The following SOWAHA variants were observed in gnomAD, a reference collection of about 807,000 sequenced individuals.
The protein encoded by SOWAHA is ankyrin repeat domain-containing protein SOWAHA.
SOWAHA carries 17 observed loss-of-function variants against 21.1 expected under a neutral mutation model. That is an observed-to-expected ratio of 0.80 (90% confidence interval 0.55 to 1.21). The LOEUF is 1.21. Among genes scored for constraint, SOWAHA ranks in the 50% most tolerant of loss-of-function variants. The pLI is 0.00. For synonymous variants in SOWAHA, 422 were observed against 397.1 expected, an observed-to-expected ratio of 1.06 and a Z score of -0.75; for missense variants, 862 against 816.0, an observed-to-expected ratio of 1.06 and a Z score of -0.69.
Position 132,813,575 on chromosome 5 carries a change from G to A in SOWAHA, c.-47G>A, listed in dbSNP as rs1195928039. On this transcript the variant is annotated 5_prime_UTR_variant, in exon 1 of 1. Coordinates refer to ENST00000378693, the MANE Select transcript of SOWAHA (RefSeq NM_175873.6). The stretch of plus-strand genomic sequence containing the variant: ...ACCCCGCTCCCGCGCGTCCCGCGGC[G>A]ACGCGGCGCCCACCCGCCCCGGGAG... 8.6e-7 allele frequency: 1 copy of A among 1,159,846 alleles called. No individual in the cohort carries two copies. The highest frequency in any genetic ancestry group is 1.1e-6 in the Non-Finnish European group (1 of 937,874). The allele number at this position is 1,159,846 out of a possible 1,614,324, so 71.8% of individuals were successfully genotyped here. A position where few individuals can be genotyped will look rare whatever the true frequency, so the allele number is the denominator to read the frequency against.
At position 132,814,019 on chromosome 5, in the gene SOWAHA, G is replaced by T. The variant is rs1369435084; in HGVS notation, c.398G>T (p.Gly133Val). 2 of 1,545,554 alleles carry T rather than the reference G, an allele frequency of 1.3e-6. No individual in the cohort carries two copies. Among genetic ancestry groups the T allele is most frequent in the Middle Eastern group, 1.8e-4 (1 of 5,526 alleles). The change falls in exon 1 of 1, where the codon GGG becomes GTG. Residue 133 changes from glycine to valine, a missense_variant. Gly to Val is a moderately radical substitution (Grantham distance 109). Coordinates refer to ENST00000378693, the MANE Select transcript of SOWAHA (RefSeq NM_175873.6). ...GTGCCGCGGCCAGTGGAGCCGCCAG[G>T]GGACCTGGGTCTGCCAACAGAGCCA... The part of the protein sequence containing the change: ...VRVPRPVEPP[G>V]DLGLPTEPQD...
At position 132,814,008 on chromosome 5, in the gene SOWAHA, G is replaced by A; in HGVS notation, c.387G>A (p.Val129=). ...APPLVRVPRP[V]EPPGDLGLPT... is the part of the protein sequence containing the mutation. The stretch of plus-strand genomic sequence containing the variant: ...CCTTGGTCCGGGTGCCGCGGCCAGT[G>A]GAGCCGCCAGGGGACCTGGGTCTGC... The change falls in exon 1 of 1, where the codon GTG becomes GTA. Residue 129 remains valine, a synonymous_variant. Transcript: ENST00000378693. 3.2e-6 allele frequency: 5 copies of A among 1,543,486 alleles called. No homozygotes were observed. The highest frequency in any genetic ancestry group is 4.4e-6 in the Non-Finnish European group (5 of 1,147,490).
chr5:132,815,096 TGGCC>T lies in SOWAHA; in HGVS notation c.1476_1479del (p.Ala493GlufsTer3), dbSNP rs776342744. On this transcript the variant is annotated frameshift_variant, in exon 1 of 1. Coordinates refer to ENST00000378693, the MANE Select transcript of SOWAHA (RefSeq NM_175873.6). LOFTEE classifies it high-confidence loss of function. ...GCTGACGACCTCATGCTCCAGGACC[TGGCC>T]CGAGGCTTGAAGAAGTCGAGCTCCT... 1.9e-6 allele frequency: 3 copies of T among 1,613,792 alleles called. No individual in the cohort carries two copies. The African/African-American group carries it at 4.0e-5, about 22-fold the overall frequency.
chr5:132,815,339 A>G lies in SOWAHA; in HGVS notation c.*68A>G. ...TCGTCGCAGTCCAAACCCGCCCAAG[A>G]CTGCAGCCCAATCAACGCCTGGAGC... On this transcript the variant is annotated 3_prime_UTR_variant, in exon 1 of 1. Transcript: ENST00000378693. The G allele has an allele frequency of 7.3e-7, 1 of 1,375,388 alleles. No homozygotes were observed. Among genetic ancestry groups the G allele is most frequent in the Admixed American group, 2.3e-5 (1 of 43,044 alleles). 85.2% of individuals were successfully genotyped at this position (1,375,388 alleles called of 1,614,324 possible).
At position 132,815,771 on chromosome 5, in the gene SOWAHA, T is replaced by C. The variant is rs985077647; in HGVS notation, c.*500T>C. ...TTCGTAATAACCTTTTGGAATTATA[T>C]TTTTCCACTTTTAGGCAAAGTGCTT... On this transcript the variant is annotated 3_prime_UTR_variant, in exon 1 of 1. Transcript: ENST00000378693. 6.0e-6 allele frequency: 1 copy of C among 167,126 alleles called. No homozygotes were observed. The highest frequency in any genetic ancestry group is 2.4e-5 in the African/African-American group (1 of 41,482). 10.4% of individuals were successfully genotyped at this position (167,126 alleles called of 1,614,324 possible).
At position 132,815,283 on chromosome 5, in the gene SOWAHA, G is replaced by C. The variant is rs745815095; in HGVS notation, c.*12G>C. On this transcript the variant is annotated 3_prime_UTR_variant, in exon 1 of 1. Coordinates refer to ENST00000378693, the MANE Select transcript of SOWAHA (RefSeq NM_175873.6). ...CTCCAACAACCTGAAGGTCCCTGGG[G>C]CTACCACCTGGTTGATCTATCGTGG... The C allele has an allele frequency of 1.7e-5, 27 of 1,598,196 alleles. No individual in the cohort carries two copies. The African/African-American group carries it at 3.4e-4, about 20-fold the overall frequency.
rs781404602 is a variant in SOWAHA, at chr5:132,813,906, C to T, written c.285C>T (p.Pro95=). The change falls in exon 1 of 1, where the codon CCC becomes CCT. Residue 95 remains proline, a synonymous_variant. Transcript: ENST00000378693. ...PPEPEPAPFG[P]PGAAAQPSKP... ...AGCCCGAGCCCGCACCCTTCGGCCC[C>T]CCGGGGGCAGCGGCCCAGCCGTCGA... The T allele has an allele frequency of 1.9e-6, 3 of 1,547,168 alleles. No homozygotes were observed. The South Asian group carries it at 3.6e-5, about 18-fold the overall frequency.
Position 132,813,631 on chromosome 5 carries a change from G to A in SOWAHA, c.10G>A (p.Ala4Thr). Residue 4 changes from alanine to threonine, a missense_variant, in exon 1 of 1, where the codon GCC becomes ACC. Physicochemically the swap from Ala to Thr is moderately conservative, Grantham distance 58. Coordinates refer to ENST00000378693, the MANE Select transcript of SOWAHA (RefSeq NM_175873.6). MALAAAAAAAAAGV... is the reference protein window; with the variant it reads MALTAAAAAAAAGV... Reference sequence around the variant, plus strand: ...AACCCAGGGCCCCACCATGGCGCTGGCCGCCGCCGCCGCCGCTGCGGCTGC... The same window carrying A: ...AACCCAGGGCCCCACCATGGCGCTGACCGCCGCCGCCGCCGCTGCGGCTGC... 8.1e-7 allele frequency: 1 copy of A among 1,236,820 alleles called. No homozygotes were observed. Among genetic ancestry groups the A allele is most frequent in the South Asian group, 2.2e-5 (1 of 46,162 alleles). The allele number at this position is 1,236,820 out of a possible 1,614,324, so 76.6% of individuals were successfully genotyped here.
At position 132,813,791 on chromosome 5, in the gene SOWAHA, G is replaced by T. The variant is rs773891772; in HGVS notation, c.170G>T (p.Arg57Leu). The T allele has an allele frequency of 1.9e-6, 3 of 1,549,058 alleles. No homozygotes were observed. The highest frequency in any genetic ancestry group is 2.0e-5 in the Admixed American group (1 of 50,954). The change falls in exon 1 of 1, where the codon CGC becomes CTC. Residue 57 changes from arginine to leucine, a missense_variant. By Grantham distance (102) the Arg-to-Leu change is moderately radical (BLOSUM62 -2). Coordinates refer to ENST00000378693, the MANE Select transcript of SOWAHA (RefSeq NM_175873.6). Reference protein sequence around the residue: ...DPRGRAARRDRFKQFVNNVAV... With the variant: ...DPRGRAARRDLFKQFVNNVAV... ...CGGGGCCGCGCCGCCCGCAGGGACC[G>T]CTTCAAGCAGTTCGTCAACAACGTG...
rs1228053970 is a variant in SOWAHA, at chr5:132,815,842, T to TA, written c.*577dup. 1 of 166,750 alleles carries TA rather than the reference T, an allele frequency of 6.0e-6. No individual in the cohort carries two copies. Among genetic ancestry groups the TA allele is most frequent in the African/African-American group, 2.4e-5 (1 of 41,446 alleles). The allele number at this position is 166,750 out of a possible 1,614,324, so 10.3% of individuals were successfully genotyped here. A position where few individuals can be genotyped will look rare whatever the true frequency, so the allele number is the denominator to read the frequency against. On this transcript the variant is annotated 3_prime_UTR_variant, in exon 1 of 1. Transcript: ENST00000378693. The stretch of plus-strand genomic sequence containing the variant: ...TTGCTAAATACTTTGGAATTCTATT[T>TA]AAAAAATAGATGATCAAGATCTAAA...
In SOWAHA at chr5:132,814,687, AGCG is replaced by A. The variant is rs1172896535; in HGVS notation, c.1070_1072del (p.Gly357del). On this transcript the variant is annotated inframe_deletion, in exon 1 of 1. Coordinates refer to ENST00000378693, the MANE Select transcript of SOWAHA (RefSeq NM_175873.6). Reference sequence around the variant, plus strand: ...CACGGCCCTGCATTGGGCCGCCAAGAGCGGCGACGGCGAGATGGCGCTGCAGCT... The same window carrying A: ...CACGGCCCTGCATTGGGCCGCCAAGAGCGACGGCGAGATGGCGCTGCAGCT... 3.3e-6 allele frequency: 5 copies of A among 1,514,656 alleles called. No homozygotes were observed. In the Admixed American group the frequency reaches 8.2e-5, roughly 25 times the overall value. The allele number at this position is 1,514,656 out of a possible 1,614,324, so 93.8% of individuals were successfully genotyped here.
chr5:132,814,488 G>C lies in SOWAHA; in HGVS notation c.867G>C (p.Leu289=). ...RRLSRAGPRL[L]SPDAEELPAA... The stretch of plus-strand genomic sequence containing the variant: ...TGTCGCGCGCCGGCCCGCGTCTGCT[G>C]AGCCCTGACGCCGAGGAGTTGCCCG... Residue 289 remains leucine, a synonymous_variant, in exon 1 of 1, where the codon CTG becomes CTC. Coordinates refer to ENST00000378693, the MANE Select transcript of SOWAHA (RefSeq NM_175873.6). 7.0e-7 allele frequency: 1 copy of C among 1,424,186 alleles called. No homozygotes were observed. The highest frequency in any genetic ancestry group is 9.1e-7 in the Non-Finnish European group (1 of 1,097,478). The allele number at this position is 1,424,186 out of a possible 1,614,324, so 88.2% of individuals were successfully genotyped here. A position where few individuals can be genotyped will look rare whatever the true frequency, so the allele number is the denominator to read the frequency against.
chr5:132,814,637 C>T lies in SOWAHA; in HGVS notation c.1016C>T (p.Ala339Val), dbSNP rs996394803. 3.9e-6 allele frequency: 6 copies of T among 1,521,680 alleles called. No individual in the cohort carries two copies. The highest frequency in any genetic ancestry group is 2.0e-5 in the Admixed American group (1 of 50,202). The allele number at this position is 1,521,680 out of a possible 1,614,324, so 94.3% of individuals were successfully genotyped here. A position where few individuals can be genotyped will look rare whatever the true frequency, so the allele number is the denominator to read the frequency against. ...CTGCTGCGCGACCGCGGCTTGGCGG[C>T]CAAGCGCGACTTCATGTCTGGCTTC... is the stretch of plus-strand genomic sequence containing the variant. ...GLLLRDRGLA[A>V]KRDFMSGFTA... is the part of the protein sequence containing the mutation. Residue 339 changes from alanine to valine, a missense_variant, in exon 1 of 1, where the codon GCC becomes GTC. Physicochemically the swap from Ala to Val is moderately conservative, Grantham distance 64. Coordinates refer to ENST00000378693, the MANE Select transcript of SOWAHA (RefSeq NM_175873.6).
chr5:132,814,625 G>A lies in SOWAHA; in HGVS notation c.1004G>A (p.Arg335His), dbSNP rs900668965. 2 of 1,520,314 alleles carry A rather than the reference G, an allele frequency of 1.3e-6. No homozygotes were observed. Among genetic ancestry groups the A allele is most frequent in the Non-Finnish European group, 1.8e-6 (2 of 1,141,264 alleles). 94.2% of individuals were successfully genotyped at this position (1,520,314 alleles called of 1,614,324 possible). Residue 335 changes from arginine to histidine, a missense_variant, in exon 1 of 1, where the codon CGC (arginine) becomes CAC (histidine). Transcript: ENST00000378693. ...HQLHGLLLRD[R>H]GLAAKRDFMS... ...CTGCACGGGCTGCTGCTGCGCGACC[G>A]CGGCTTGGCGGCCAAGCGCGACTTC...
Position 132,815,231 on chromosome 5 carries a change from C to G in SOWAHA, c.1610C>G (p.Pro537Arg). 1.2e-6 allele frequency: 2 copies of G among 1,613,358 alleles called. No individual in the cohort carries two copies. The highest frequency in any genetic ancestry group is 1.7e-6 in the Non-Finnish European group (2 of 1,179,888). Residue 537 changes from proline to arginine, a missense_variant, in exon 1 of 1, where the codon CCT becomes CGT. Transcript: ENST00000378693. ...SEISRRPTPG[P>R]LAGLVPSLPP... is the part of the protein sequence containing the mutation. ...ATCTCTCGTCGACCTACTCCGGGGC[C>G]TTTAGCTGGTCTAGTGCCCAGTTTG...
chr5:132,814,294 C>T lies in SOWAHA; in HGVS notation c.673C>T (p.Pro225Ser). 6.7e-7 allele frequency: 1 copy of T among 1,494,908 alleles called. No homozygotes were observed. The highest frequency in any genetic ancestry group is 1.5e-5 in the African/African-American group (1 of 68,538). 92.6% of individuals were successfully genotyped at this position (1,494,908 alleles called of 1,614,324 possible). A position where few individuals can be genotyped will look rare whatever the true frequency, so the allele number is the denominator to read the frequency against. Residue 225 changes from proline (P) to serine (S), a missense_variant, in exon 1 of 1, where the codon CCG becomes TCG. Coordinates refer to ENST00000378693, the MANE Select transcript of SOWAHA (RefSeq NM_175873.6). ...CTGTATGCTGCCGGTGCGCTGCGTC[C>T]CGGCCCCCGCCACGCTCCGCCTCCG... ...KPCMLPVRCVPAPATLRLRAE... is the reference protein window; with the variant it reads ...KPCMLPVRCVSAPATLRLRAE...
rs1176329512 is a variant in SOWAHA at position 132,814,738 on chromosome 5, G to A, written c.1117G>A (p.Gly373Ser). ...GCTGGTGGAGGTCGCGCGGCGCAGT[G>A]GCGCACCAGTCGACGTGAACGCACG... Reference protein sequence around the residue: ...LQLVEVARRSGAPVDVNARSH... With the variant: ...LQLVEVARRSSAPVDVNARSH... The change falls in exon 1 of 1, where the codon GGC becomes AGC. Residue 373 changes from glycine to serine, a missense_variant. Coordinates refer to ENST00000378693, the MANE Select transcript of SOWAHA (RefSeq NM_175873.6). 7 of 1,525,128 alleles carry A rather than the reference G, an allele frequency of 4.6e-6. No individual in the cohort carries two copies. Among genetic ancestry groups the A allele is most frequent in the South Asian group, 3.6e-5 (3 of 82,304 alleles). 94.5% of individuals were successfully genotyped at this position (1,525,128 alleles called of 1,614,324 possible). A position where few individuals can be genotyped will look rare whatever the true frequency, so the allele number is the denominator to read the frequency against.
rs775216527 is a variant in SOWAHA at position 132,815,221 on chromosome 5, A to G, written c.1600A>G (p.Thr534Ala). 11 of 1,613,326 alleles carry G rather than the reference A, an allele frequency of 6.8e-6. 1 individual carries two copies. The Admixed American group carries it at 1.0e-4, about 15-fold the overall frequency. ...CTTCTCAGAAATCTCTCGTCGACCT[A>G]CTCCGGGGCCTTTAGCTGGTCTAGT... Reference protein sequence around the residue: ...PAFSEISRRPTPGPLAGLVPS... With the variant: ...PAFSEISRRPAPGPLAGLVPS... The change falls in exon 1 of 1, where the codon ACT becomes GCT. Residue 534 changes from threonine to alanine, a missense_variant. Coordinates refer to ENST00000378693, the MANE Select transcript of SOWAHA (RefSeq NM_175873.6).
In SOWAHA at chr5:132,813,531, C is replaced by A; in HGVS notation, c.-91C>A. ...GGCCGCGGGGAAGGCACCAGGTGAG[C>A]GCGGCCGCGCCTCCCGGAACCCCGC... On this transcript the variant is annotated 5_prime_UTR_variant, in exon 1 of 1. Coordinates refer to ENST00000378693, the MANE Select transcript of SOWAHA (RefSeq NM_175873.6). 1 of 889,400 alleles carries A rather than the reference C, an allele frequency of 1.1e-6. No individual in the cohort carries two copies. Among genetic ancestry groups the A allele is most frequent in the Non-Finnish European group, 1.4e-6 (1 of 718,036 alleles). The allele number at this position is 889,400 out of a possible 1,614,324, so 55.1% of individuals were successfully genotyped here.
Sources: gnomAD v4.1 joint callset for allele counts on GRCh38, gnomAD v4.1.1 for gene constraint, MANE v1.5 for transcripts, NCBI Gene and HGNC (gene_info 2026-07-23, HGNC 2026-07-21) for gene names.